The following EYS variants were observed in gnomAD, a reference collection of about 807,000 sequenced individuals.
EYS encodes protein eyes shut homolog.
In EYS, 250 loss-of-function variants were observed where a neutral mutation model predicts 282.1. That is an observed-to-expected ratio of 0.89 (90% CI 0.80 to 0.98). EYS has a LOEUF of 0.98. Among genes scored for constraint, EYS ranks in the 50% least tolerant of loss-of-function variants. EYS has a pLI of 0.00. For missense variants in EYS, 4,016 were observed against 3,709.0 expected, an observed-to-expected ratio of 1.08 and a Z score of -2.15; for synonymous variants, 1,355 against 1,282.9, an observed-to-expected ratio of 1.06 and a Z score of -1.20.
At chr6:65,211,320 C>T (rs912722405) in intron 12 of EYS, among the ~76,000 whole-genome samples, 3 of 151,856 alleles carry the variant, frequency 2.0e-5, no homozygotes, top group African/African-American at 7.3e-5. Context: ...GTAAAAGAAT[C>T]TGAAAAATGT....
chr6:65,361,814 A>G (rs1764719892), intron 8 of EYS, among the ~76,000 whole-genome samples: 1 of 152,234 alleles, frequency 6.6e-6, no homozygotes. Flanking sequence ...GTGATTCATT[A>G]TCTAATGTTT....
chr6:65,193,406 A>AT (rs1452324541), intron 12 of EYS, among the ~76,000 whole-genome samples: 9 of 151,968 alleles, frequency 5.9e-5, no homozygotes, highest in Admixed American at 5.3e-4. Flanking sequence ...TTTCACCCAT[A>AT]TACCTATATA....
intron 22 of EYS, among the ~76,000 whole-genome samples, chr6:64,636,152 A>G (rs1021676695): frequency 3.9e-5 from 6 of 152,202 alleles, no homozygotes; most frequent in Admixed American, 3.9e-4. Flanking sequence ...AGCCAAAAGA[A>G]CAAAGCCAGA....
intron 19 of EYS, among the ~76,000 whole-genome samples, chr6:64,880,907 T>C (rs1766895545): frequency 6.6e-6 from 1 of 151,228 alleles, no homozygotes; most frequent in African/African-American, 2.4e-5. Context: ...TTATATATTA[T>C]GTGTGTGTAT....
At chr6:64,841,477 GC>G (rs1199018279) in intron 19 of EYS, among the ~76,000 whole-genome samples, 2 of 152,052 alleles carry the variant, frequency 1.3e-5, no homozygotes, top group Non-Finnish European at 2.9e-5. Flanking sequence ...TATCTCAGGT[GC>G]CAGGAAATGT....
intron 1 of EYS, among the ~76,000 whole-genome samples, chr6:65,644,373 A>C (rs998477795): frequency 6.6e-6 from 1 of 152,210 alleles, no homozygotes; most frequent in South Asian, 2.1e-4. Context: ...AAGACAAAAA[A>C]GTAATAAATA....
chr6:63,871,156 A>G (rs1459007948), intron 35 of EYS, among the ~76,000 whole-genome samples: 1 of 152,200 alleles, frequency 6.6e-6, no homozygotes, highest in Non-Finnish European at 1.5e-5. Flanking sequence ...ATTTAATCCT[A>G]TCAATATATT....
At chr6:64,145,906 A>G (rs1774504803) in intron 31 of EYS, among the ~76,000 whole-genome samples, 1 of 152,104 alleles carries the variant, frequency 6.6e-6, no homozygotes, top group South Asian at 2.1e-4. Context: ...AGGGCTCCTA[A>G]TTTACACTGA....
chr6:64,075,189 C>A (rs184269285), intron 32 of EYS, among the ~76,000 whole-genome samples: 1 of 151,962 alleles, frequency 6.6e-6, no homozygotes, highest in Admixed American at 6.6e-5. Flanking sequence ...CCAGTAGCAA[C>A]CTCAGCAGCA....
At chr6:64,131,744 T>C (rs1027079614) in intron 31 of EYS, among the ~76,000 whole-genome samples, 3 of 152,192 alleles carry the variant, frequency 2.0e-5, no homozygotes, top group Non-Finnish European at 2.9e-5. Context: ...GGGAAGTAGA[T>C]TGAAAAGCAT....
intron 22 of EYS, among the ~76,000 whole-genome samples, chr6:64,737,448 T>C (rs1772220392): frequency 6.6e-6 from 1 of 152,246 alleles, no homozygotes; most frequent in South Asian, 2.1e-4. Context: ...CATTATCCAA[T>C]GATCATTGCA....
At chr6:63,722,495 T>C (rs1189193915) in intron 42 of EYS, among the ~76,000 whole-genome samples, 1 of 152,076 alleles carries the variant, frequency 6.6e-6, no homozygotes, top group Non-Finnish European at 1.5e-5. Flanking sequence ...TAGGAACAAA[T>C]ACCATCCAGC....
At chr6:64,257,696 C>T (rs1032657316) in intron 30 of EYS, among the ~76,000 whole-genome samples, 7 of 151,838 alleles carry the variant, frequency 4.6e-5, no homozygotes, top group South Asian at 2.1e-4. Flanking sequence ...CAAGAAGTGA[C>T]ATGTAATTTA....
At chr6:64,040,858 A>G (rs1216153301) in intron 33 of EYS, among the ~76,000 whole-genome samples, 7 of 152,202 alleles carry the variant, frequency 4.6e-5, no homozygotes, top group African/African-American at 1.7e-4. Context: ...GCTGAGCTTT[A>G]CAATTGCCTA....
chr6:64,808,440 G>A (rs1470131753), intron 22 of EYS, among the ~76,000 whole-genome samples: 2 of 151,924 alleles, frequency 1.3e-5, no homozygotes, highest in African/African-American at 2.4e-5. Context: ...TAATTTAACT[G>A]AGACAACATG....
At chr6:64,350,930 G>C (rs1418093434) in intron 29 of EYS, among the ~76,000 whole-genome samples, 1 of 151,448 alleles carries the variant, frequency 6.6e-6, no homozygotes, top group African/African-American at 2.4e-5. Flanking sequence ...GGTTTTATAA[G>C]GGGCTTTTCC....
At chr6:65,185,509 A>G (rs951600400) in intron 12 of EYS, among the ~76,000 whole-genome samples, 8 of 151,856 alleles carry the variant, frequency 5.3e-5, no homozygotes, top group African/African-American at 1.9e-4. Flanking sequence ...GAGTTTAATC[A>G]ATTTATTCTA....
intron 2 of EYS, among the ~76,000 whole-genome samples, chr6:65,620,728 G>A (rs354373): frequency 0.072 from 10,801 of 150,962 alleles, 655 homozygotes; most frequent in East Asian, 0.18. Flanking sequence ...CTTTGAATGC[G>A]TCCCAGAGAT....
At position 64,799,335 on chromosome 6, in the gene EYS, C is replaced by G. The variant is rs1304336861; in HGVS notation, c.3443+14043G>C. On this transcript the variant is annotated intron_variant, in intron 22 of 42. Transcript: ENST00000503581. ...CTTTGAGATTGAGGACAAAGCATACCTCCTGTTGAAGCCTTACACAATCTC... is the reference window on the plus strand; with the variant it reads ...CTTTGAGATTGAGGACAAAGCATACGTCCTGTTGAAGCCTTACACAATCTC... Among the ~76,000 whole-genome samples, 5 of 151,844 alleles carry G rather than the reference C, an allele frequency of 3.3e-5. No homozygotes were observed. The South Asian group carries it at 6.2e-4, about 19-fold the overall frequency.
Sources: allele counts gnomAD v4.1 joint callset (sites outside exome capture counted in the v4.1 genomes callset), GRCh38; gene constraint gnomAD v4.1.1; transcripts MANE v1.5; gene names NCBI Gene and HGNC (gene_info 2026-07-23, HGNC 2026-07-21).